Variants in MGAT4C observed in about 807,000 individuals in gnomAD.
MGAT4C encodes the protein MGAT4 family member C.
In MGAT4C, 19 loss-of-function variants were observed where a neutral mutation model predicts 40.1. That is an observed-to-expected ratio of 0.47 (90% CI 0.33 to 0.70). MGAT4C has a LOEUF of 0.70. MGAT4C is among the 30% of genes least tolerant of loss of function. The pLI is 0.02. For synonymous variants in MGAT4C, 181 were observed against 187.1 expected (o/e 0.97, Z 0.27); for missense variants, 491 against 563.2 (o/e 0.87, Z 1.30).
chr12:86,091,576 C>T (rs1391799078), intron 1 of MGAT4C, among the ~76,000 whole-genome samples: 1 of 151,984 alleles, frequency 6.6e-6, no homozygotes, highest in Non-Finnish European at 1.5e-5. Flanking sequence ...TCTGAAATGG[C>T]TGAAAGTCTC....
chr12:86,320,006 T>G (rs570268117), intron 4 of MGAT4C, among the ~76,000 whole-genome samples: 2 of 152,122 alleles, frequency 1.3e-5, no homozygotes, highest in Non-Finnish European at 2.9e-5. Context: ...GTTCTTATTG[T>G]TTTTCTTTTG....
intron 4 of MGAT4C, among the ~76,000 whole-genome samples, chr12:86,271,617 T>C (rs1952951268): frequency 6.6e-6 from 1 of 152,176 alleles, no homozygotes; most frequent in Non-Finnish European, 1.5e-5. Context: ...GAAAATAGTA[T>C]TACCATTTGA....
chr12:86,042,954 A>G (rs955964061), intron 2 of MGAT4C, among the ~76,000 whole-genome samples: 2 of 151,526 alleles, frequency 1.3e-5, no homozygotes, highest in African/African-American at 4.8e-5. Context: ...GTCTGCTGGT[A>G]GCCTGATGGT....
chr12:86,323,062 T>G lies in MGAT4C; in HGVS notation c.-57+11003A>C, dbSNP rs551382066. Among the ~76,000 whole-genome samples, 10 of 151,718 alleles carry G rather than the reference T, an allele frequency of 6.6e-5. No homozygotes were observed. In the South Asian group the frequency reaches 2.1e-3, roughly 32 times the overall value. Reference sequence around the variant, plus strand: ...GTAAAACTCTGCAACACATGAGGTTTGACAGATAATATAAGTTTACAGGAA... The same window carrying G: ...GTAAAACTCTGCAACACATGAGGTTGGACAGATAATATAAGTTTACAGGAA... On this transcript the variant is annotated intron_variant, in intron 4 of 7. Transcript: ENST00000548651.
chr12:86,043,232 T>A (rs1892049106), intron 2 of MGAT4C, among the ~76,000 whole-genome samples: 1 of 151,934 alleles, frequency 6.6e-6, no homozygotes, highest in African/African-American at 2.4e-5. Context: ...TATTAAGGAG[T>A]TTTGACTTAA....
chr12:86,760,291 A>G (rs1951379620), intron 1 of MGAT4C, among the ~76,000 whole-genome samples: 2 of 152,114 alleles, frequency 1.3e-5, no homozygotes, highest in South Asian at 2.1e-4. Flanking sequence ...AAAGACCTCA[A>G]TGTAAGTCTT....
chr12:86,547,858 A>T (rs557857962), intron 2 of MGAT4C, among the ~76,000 whole-genome samples: 8 of 152,262 alleles, frequency 5.3e-5, no homozygotes, highest in African/African-American at 1.9e-4. Context: ...TTCAGAAGAC[A>T]TGAATTCACT....
intron 2 of MGAT4C, among the ~76,000 whole-genome samples, chr12:86,504,916 G>A (rs1958443987): frequency 6.6e-6 from 1 of 151,940 alleles, no homozygotes; most frequent in Non-Finnish European, 1.5e-5. Context: ...CAAAGTGCTG[G>A]GATTACAGGC....
At chr12:86,264,243 T>C (rs1433182405) in intron 4 of MGAT4C, among the ~76,000 whole-genome samples, 1 of 152,258 alleles carries the variant, frequency 6.6e-6, no homozygotes, top group Non-Finnish European at 1.5e-5. Context: ...CATAAATTAT[T>C]TGCCTAGACC....
intron 1 of MGAT4C, among the ~76,000 whole-genome samples, chr12:86,728,833 A>G (rs572434133): frequency 6.6e-6 from 1 of 152,340 alleles, no homozygotes; most frequent in South Asian, 2.1e-4. Flanking sequence ...CCACTACATA[A>G]TTATGAAAAT....
chr12:86,204,573 T>C (rs183925327), intron 1 of MGAT4C, among the ~76,000 whole-genome samples: 1 of 152,276 alleles, frequency 6.6e-6, no homozygotes, highest in Admixed American at 6.5e-5. Flanking sequence ...TTCAAATAGA[T>C]AGGAGTTTCC....
intron 1 of MGAT4C, among the ~76,000 whole-genome samples, chr12:86,215,195 C>T (rs951380363): frequency 2.0e-5 from 3 of 151,920 alleles, no homozygotes; most frequent in African/African-American, 4.8e-5. Flanking sequence ...CATATGGAGC[C>T]ACCTCATCAT....
chr12:86,243,268 C>T (rs570800719), intron 1 of MGAT4C, among the ~76,000 whole-genome samples: 5 of 152,160 alleles, frequency 3.3e-5, no homozygotes, highest in Admixed American at 6.5e-5. Context: ...CTGCTACTTG[C>T]AAACTTAGGG....
At chr12:86,831,489 A>G (rs939831403) in intron 1 of MGAT4C, among the ~76,000 whole-genome samples, 1 of 151,844 alleles carries the variant, frequency 6.6e-6, no homozygotes, top group African/African-American at 2.4e-5. Flanking sequence ...ACAAACACAC[A>G]TGACACCAAT....
At chr12:86,472,192 C>T (rs1957766857) in intron 2 of MGAT4C, among the ~76,000 whole-genome samples, 1 of 152,124 alleles carries the variant, frequency 6.6e-6, no homozygotes, top group Admixed American at 6.5e-5. Flanking sequence ...TATACTTTGT[C>T]TCCTTCCTAT....
At chr12:86,690,894 T>C (rs1950160238) in intron 2 of MGAT4C, among the ~76,000 whole-genome samples, 1 of 152,220 alleles carries the variant, frequency 6.6e-6, no homozygotes, top group Non-Finnish European at 1.5e-5. Flanking sequence ...CTAATGACTC[T>C]GAAATTCATA....
rs541994662 is a variant in MGAT4C at position 86,587,858 on chromosome 12, T to C, written c.-229+139351A>G. On this transcript the variant is annotated intron_variant, in intron 2 of 7. Coordinates refer to the MGAT4C transcript ENST00000548651. The stretch of plus-strand genomic sequence containing the variant: ...TTTAGGAGATTTTGGGCTGAGACAA[T>C]GGGGTTTTCTAGATATACAATCATG... Among the ~76,000 whole-genome samples the C allele has an allele frequency of 1.5e-3, 235 of 151,756 alleles. 1 individual carries two copies. The highest frequency in any genetic ancestry group is 5.5e-3 in the African/African-American group (226 of 41,442).
intron 1 of MGAT4C, among the ~76,000 whole-genome samples, chr12:86,125,165 T>C (rs939383523): frequency 2.9e-4 from 44 of 151,884 alleles, no homozygotes; most frequent in Non-Finnish European, 7.4e-5. Context: ...TAGAGAAGAG[T>C]TGTGGAAGCA....
chr12:86,729,470 G>A (rs2136118425), intron 1 of MGAT4C, among the ~76,000 whole-genome samples: 1 of 152,202 alleles, frequency 6.6e-6, no homozygotes, highest in African/African-American at 2.4e-5. Flanking sequence ...GAATAGAATA[G>A]TGTGAGATTA....
Sources: gnomAD v4.1 joint callset for allele counts (sites outside exome capture counted in the v4.1 genomes callset) on GRCh38, gnomAD v4.1.1 for gene constraint, MANE v1.5 for transcripts, NCBI Gene and HGNC (gene_info 2026-07-23, HGNC 2026-07-21) for gene names.